WDHD1: variants seen among roughly 807,000 people sequenced by gnomAD.
WDHD1 encodes WD repeat and HMG-box DNA binding protein 1.
In WDHD1, 111 loss-of-function variants were observed where a neutral mutation model predicts 135.4. The observed-to-expected ratio is 0.82, with a 90% CI of 0.70 to 0.96. The LOEUF is 0.96. Among genes scored for constraint, WDHD1 ranks in the 40% least tolerant of loss-of-function variants. The pLI is 0.00. For synonymous variants in WDHD1, 434 were observed against 439.0 expected (o/e 0.99, Z 0.14); for missense variants, 1,351 against 1,336.3 (o/e 1.01, Z -0.17).
intron 18 of WDHD1, among the ~76,000 whole-genome samples, chr14:54,964,930 A>G (rs2041317266): frequency 6.6e-6 from 1 of 152,266 alleles, no homozygotes; most frequent in South Asian, 2.1e-4. Flanking sequence ...CCTGGACCAC[A>G]AGTAACACTT....
At position 54,941,528 on chromosome 14, in the gene WDHD1, T is replaced by G; in HGVS notation, c.3352A>C (p.Asn1118His). 1 of 1,613,322 alleles carries G rather than the reference T, an allele frequency of 6.2e-7. No homozygotes were observed. The highest frequency in any genetic ancestry group is 8.5e-7 in the Non-Finnish European group (1 of 1,179,884). ...AATGCAAAAGCTGATAGTTTCTGAT[T>G]TGTAGAAAAATCTAAAGGTTTCTGC... ...KKQKPLDFSTNQKLSAFAFKQ... is the reference protein window; with the variant it reads ...KKQKPLDFSTHQKLSAFAFKQ... The change falls in exon 26 of 26, where the codon AAT becomes CAT. Residue 1118 changes from asparagine (N) to histidine (H), a missense_variant. Transcript: ENST00000360586.
At chr14:54,991,422 T>C (rs1345899449) in intron 11 of WDHD1, 22 bp from the exon 12 acceptor site, 2 of 1,602,524 alleles carry the variant, frequency 1.2e-6, no homozygotes, top group Admixed American at 1.7e-5. Flanking sequence ...AGGATCATAA[T>C]TAAGGGAATC....
At chr14:55,025,810 G>T (rs1348685656) in intron 2 of WDHD1, among the ~76,000 whole-genome samples, 1 of 152,048 alleles carries the variant, frequency 6.6e-6, no homozygotes, top group Non-Finnish European at 1.5e-5. Flanking sequence ...GGCCCCATTG[G>T]GCCTTTACAC....
intron 21 of WDHD1, among the ~76,000 whole-genome samples, chr14:54,959,431 G>A (rs1187555801): frequency 6.8e-6 from 1 of 147,068 alleles, no homozygotes; most frequent in African/African-American, 2.5e-5. Flanking sequence ...GAAGAAGGAA[G>A]GGAGGGAGGG....
intron 14 of WDHD1, among the ~76,000 whole-genome samples, chr14:54,986,536 G>T (rs2041697687): frequency 6.6e-6 from 1 of 151,990 alleles, no homozygotes; most frequent in South Asian, 2.1e-4. Flanking sequence ...AAGACTGAAA[G>T]ACCCTGACCT....
intron 14 of WDHD1, among the ~76,000 whole-genome samples, chr14:54,986,301 AAC>A (rs1479483290): frequency 6.6e-6 from 1 of 152,212 alleles, no homozygotes; most frequent in Non-Finnish European, 1.5e-5. Flanking sequence ...ATATTTATAG[AAC>A]AGTTATATAG....
At chr14:54,953,670 C>A (rs538724361) in intron 24 of WDHD1, among the ~76,000 whole-genome samples, 23 of 152,264 alleles carry the variant, frequency 1.5e-4, no homozygotes, top group African/African-American at 5.5e-4. Context: ...AACACATGCA[C>A]ACGTATGTTT....
At chr14:54,984,906 A>G in intron 14 of WDHD1, 46 bp from the exon 15 acceptor site, 1 of 1,591,874 alleles carries the variant, frequency 6.3e-7, no homozygotes, top group Non-Finnish European at 8.5e-7. Context: ...AGGTTATCCA[A>G]CTATAACGCA....
intron 16 of WDHD1, among the ~76,000 whole-genome samples, chr14:54,979,049 T>C (rs1480177459): frequency 6.6e-6 from 1 of 152,192 alleles, no homozygotes; most frequent in African/African-American, 2.4e-5. Flanking sequence ...CTAAATTCAT[T>C]GCCAAAAGAT....
intron 18 of WDHD1, among the ~76,000 whole-genome samples, chr14:54,964,041 G>A (rs534018964): frequency 7.9e-5 from 12 of 152,292 alleles, no homozygotes; most frequent in African/African-American, 1.4e-4. Flanking sequence ...CCAGGAGGTT[G>A]AGGCTGCAGT....
At chr14:54,981,841 C>T (rs548768153) in intron 15 of WDHD1, 145 bp from the exon 16 acceptor site, 42 of 474,262 alleles carry the variant, frequency 8.9e-5, no homozygotes, top group South Asian at 4.5e-4. Context: ...AAGATTATTA[C>T]GTAAAATTTC....
intron 21 of WDHD1, among the ~76,000 whole-genome samples, chr14:54,959,461 C>G (rs1357025701): frequency 6.6e-6 from 1 of 151,570 alleles, no homozygotes; most frequent in Non-Finnish European, 1.5e-5. Flanking sequence ...GGCAGGCAGG[C>G]AGGCAGGCAG....
rs796106446 is a variant in WDHD1, at chr14:54,980,817, A to AC, written c.2063+722_2063+723insG. ...AGACTCCACATAAAAAAAAAAAAAA[A>AC]AAAAAAAACTCAGCTGGGCGTGGTG... On this transcript the variant is annotated intron_variant, in intron 16 of 25. Coordinates refer to ENST00000360586, the MANE Select transcript of WDHD1 (RefSeq NM_007086.4). Among the ~76,000 whole-genome samples the AC allele has an allele frequency of 4.7e-5, 7 of 149,972 alleles. No homozygotes were observed. The East Asian group carries it at 1.2e-3, about 25-fold the overall frequency.
At chr14:54,955,533 T>A in intron 24 of WDHD1, 28 bp downstream of exon 24, 1 of 1,492,760 alleles carries the variant, frequency 6.7e-7, no homozygotes, top group South Asian at 1.4e-5. Context: ...ACTTGGTCAC[T>A]GCATGCTAAA....
intron 13 of WDHD1, among the ~76,000 whole-genome samples, chr14:54,988,656 G>A (rs951108775): frequency 1.3e-5 from 2 of 151,504 alleles, no homozygotes; most frequent in Non-Finnish European, 2.9e-5. Flanking sequence ...AATTCTGGGA[G>A]GAGTTTTCAT....
At chr14:55,008,769 T>A in intron 4 of WDHD1, 50 bp from the exon 5 acceptor site, 14 of 1,080,230 alleles carry the variant, frequency 1.3e-5, no homozygotes, top group Non-Finnish European at 1.9e-5. Flanking sequence ...CACAAAGGCC[T>A]CTCCTAAAAG....
intron 17 of WDHD1, 45 bp from the exon 18 acceptor site, chr14:54,966,651 T>C (rs761006505): frequency 1.3e-6 from 2 of 1,560,164 alleles, no homozygotes; most frequent in East Asian, 4.6e-5. Flanking sequence ...ATCACCTTAA[T>C]ATGAGGCAAG....
intron 14 of WDHD1, among the ~76,000 whole-genome samples, chr14:54,985,807 A>G (rs1277520288): frequency 6.6e-6 from 1 of 152,254 alleles, no homozygotes; most frequent in Non-Finnish European, 1.5e-5. Context: ...ACATGATGAT[A>G]TAATTTTACT....
chr14:55,002,324 C>T (rs1195053999), intron 7 of WDHD1, 139 bp from the exon 8 acceptor site: 6 of 616,472 alleles, frequency 9.7e-6, no homozygotes, highest in East Asian at 3.1e-5. Flanking sequence ...TTTTAAGAGA[C>T]GGTGTCTCAC....
Sources: allele counts gnomAD v4.1 joint callset (sites outside exome capture counted in the v4.1 genomes callset), GRCh38; gene constraint gnomAD v4.1.1; transcripts MANE v1.5; gene names NCBI Gene and HGNC (gene_info 2026-07-23, HGNC 2026-07-21).